KCNIP4: variants seen among roughly 807,000 people sequenced by gnomAD.
The protein encoded by KCNIP4 is potassium voltage-gated channel interacting protein 4.
KCNIP4 carries 12 observed loss-of-function variants against 34.0 expected under a neutral mutation model. The observed-to-expected ratio is 0.35, with a 90% CI of 0.23 to 0.57. The LOEUF (loss-of-function observed/expected upper bound fraction) is 0.57, where lower values mean the gene tolerates loss of function less well. Ranked by LOEUF, KCNIP4 falls within the 20% of genes least tolerant of loss-of-function variation. KCNIP4 has a pLI of 0.83. For missense variants in KCNIP4, 238 were observed against 311.7 expected (o/e 0.76, Z 1.78); for synonymous variants, 124 against 102.2 (o/e 1.21, Z -1.29).
intron 1 of KCNIP4, among the ~76,000 whole-genome samples, chr4:21,450,915 T>C (rs1362380824): frequency 6.6e-6 from 1 of 152,184 alleles, no homozygotes; most frequent in Non-Finnish European, 1.5e-5. Context: ...TATAGTTATT[T>C]GAAAATCACA....
Position 20,754,873 on chromosome 4 carries a change from ATAACT to A in KCNIP4, c.358+3943_358+3947del, listed in dbSNP as rs917612941. Among the ~76,000 whole-genome samples the A allele has an allele frequency of 7.0e-4, 107 of 152,350 alleles. 2 individuals are homozygous for A. The highest frequency in any genetic ancestry group is 2.1e-3 in the African/African-American group (86 of 41,590). On this transcript the variant is annotated intron_variant, in intron 4 of 8. Transcript: ENST00000382152. ...TAACTTGATTTGAAATGATTGAAAA[ATAACT>A]TAAAGATTTTCATCTGCATTGGTGC... is the stretch of plus-strand genomic sequence containing the variant.
chr4:20,932,444 A>C (rs997393663), intron 1 of KCNIP4, among the ~76,000 whole-genome samples: 1 of 146,310 alleles, frequency 6.8e-6, no homozygotes, highest in African/African-American at 2.6e-5. Context: ...ATAATAGTCT[A>C]TAACAGTCTA....
chr4:21,542,626 T>C (rs1224930820), intron 1 of KCNIP4, among the ~76,000 whole-genome samples: 4 of 151,284 alleles, frequency 2.6e-5, no homozygotes, highest in Non-Finnish European at 5.9e-5. Context: ...GTGATCAAAA[T>C]AAAAAGTGAA....
chr4:21,693,622 C>A (rs1711938068), intron 1 of KCNIP4, among the ~76,000 whole-genome samples: 1 of 152,100 alleles, frequency 6.6e-6, no homozygotes, highest in African/African-American at 2.4e-5. Flanking sequence ...GCTTGACCCA[C>A]AATAACTTCA....
intron 1 of KCNIP4, among the ~76,000 whole-genome samples, chr4:21,536,521 G>C (rs1325231921): frequency 2.6e-5 from 4 of 152,172 alleles, no homozygotes; most frequent in Non-Finnish European, 5.9e-5. Flanking sequence ...GCTCAAGCCT[G>C]TAATCTCAGC....
At chr4:21,948,498 G>A in intron 1 of KCNIP4, 73 bp downstream of exon 1, 1 of 1,511,410 alleles carries the variant, frequency 6.6e-7, no homozygotes, top group Non-Finnish European at 9.0e-7. Flanking sequence ...AGGAAGGGAA[G>A]GGGCAGCCGT....
At chr4:20,944,880 T>G (rs1333718403) in intron 1 of KCNIP4, among the ~76,000 whole-genome samples, 1 of 152,196 alleles carries the variant, frequency 6.6e-6, no homozygotes, top group Non-Finnish European at 1.5e-5. Flanking sequence ...TTATACTTAT[T>G]TATTGCCTCT....
At chr4:21,929,348 C>A (rs1224516721) in intron 1 of KCNIP4, among the ~76,000 whole-genome samples, 2 of 152,062 alleles carry the variant, frequency 1.3e-5, no homozygotes, top group African/African-American at 4.8e-5. Context: ...CAAATATTTT[C>A]AATAATTGTT....
At chr4:21,561,682 A>C (rs895536907) in intron 1 of KCNIP4, among the ~76,000 whole-genome samples, 2 of 152,000 alleles carry the variant, frequency 1.3e-5, no homozygotes, top group South Asian at 2.1e-4. Flanking sequence ...AAAGCTGTTA[A>C]GGCAATTAAA....
At chr4:21,253,804 C>T (rs1434306577) in intron 1 of KCNIP4, among the ~76,000 whole-genome samples, 1 of 152,082 alleles carries the variant, frequency 6.6e-6, no homozygotes, top group Admixed American at 6.6e-5. Context: ...GTGGAAACAG[C>T]CAAATGTCCA....
rs891953895 is a variant in KCNIP4, at chr4:21,391,192, A to T, written c.62-508483T>A. On this transcript the variant is annotated intron_variant, in intron 1 of 8. Transcript: ENST00000382152. ...ATACTATTAAGTAATTTCTATACTT[A>T]GTCAGTACTTAAAGAGTACCTACTA... Among the ~76,000 whole-genome samples, 85 of 152,174 alleles carry T rather than the reference A, an allele frequency of 5.6e-4. 1 individual carries two copies. Among genetic ancestry groups the T allele is most frequent in the Admixed American group, 3.8e-3 (58 of 15,262 alleles).
intron 1 of KCNIP4, among the ~76,000 whole-genome samples, chr4:21,541,120 G>A (rs953626346): frequency 3.4e-5 from 5 of 148,086 alleles, no homozygotes; most frequent in Admixed American, 6.9e-5. Context: ...GCAGCTGGCC[G>A]AGACTGTGCC....
chr4:21,720,530 C>CTTTTTTTTTTTTTTTT (rs71191598), intron 1 of KCNIP4, among the ~76,000 whole-genome samples: 3 of 140,332 alleles, frequency 2.1e-5, no homozygotes, highest in African/African-American at 2.6e-5. Context: ...TGTTTTTTTT[C>CTTTTTTTTTTTTTTTT]TTTTTTTTTT....
At chr4:21,321,031 G>A (rs1714351674) in intron 1 of KCNIP4, among the ~76,000 whole-genome samples, 1 of 149,976 alleles carries the variant, frequency 6.7e-6, no homozygotes, top group Non-Finnish European at 1.5e-5. Context: ...ATGAATTGTG[G>A]TAAATCTGAG....
intron 1 of KCNIP4, among the ~76,000 whole-genome samples, chr4:21,076,376 T>C (rs540593817): frequency 2.0e-5 from 3 of 152,274 alleles, no homozygotes; most frequent in South Asian, 4.1e-4. Flanking sequence ...GTTATGGCTC[T>C]TATAGCCTGT....
chr4:21,261,580 C>T (rs1761472516), intron 1 of KCNIP4, among the ~76,000 whole-genome samples: 1 of 152,164 alleles, frequency 6.6e-6, no homozygotes, highest in Non-Finnish European at 1.5e-5. Flanking sequence ...CCCAATTTGA[C>T]TTGTCTTACT....
At chr4:21,948,521 G>A (rs1032957680) in intron 1 of KCNIP4, 50 bp downstream of exon 1, 3 of 1,580,524 alleles carry the variant, frequency 1.9e-6, no homozygotes, top group African/African-American at 2.7e-5. Context: ...TGGCTCGCGA[G>A]GGAAGGAGGG....
chr4:21,509,493 G>C (rs1476369283), intron 1 of KCNIP4, among the ~76,000 whole-genome samples: 3 of 152,152 alleles, frequency 2.0e-5, no homozygotes, highest in African/African-American at 7.2e-5. Context: ...AGATACCAGT[G>C]CTGTAGGCAT....
chr4:21,559,758 G>A (rs35752977), intron 1 of KCNIP4, among the ~76,000 whole-genome samples: 14,710 of 152,118 alleles, frequency 0.097, 803 homozygotes, highest in Middle Eastern at 0.2. Context: ...TTGAAAAAAT[G>A]TATTATTAGT....
Sources: allele counts gnomAD v4.1 joint callset (sites outside exome capture counted in the v4.1 genomes callset), GRCh38; gene constraint gnomAD v4.1.1; transcripts MANE v1.5; gene names NCBI Gene and HGNC (gene_info 2026-07-23, HGNC 2026-07-21).